CPLANE1: variants seen among roughly 807,000 people sequenced by gnomAD.
CPLANE1 encodes ciliogenesis and planar polarity effector complex subunit 1.
Under a neutral mutation model 362.5 loss-of-function variants are expected in CPLANE1, and 263 were observed. The ratio of observed to expected loss-of-function variants is 0.73; its 90% CI spans 0.66 to 0.80. The LOEUF (loss-of-function observed/expected upper bound fraction) is 0.80. Among genes scored for constraint, CPLANE1 ranks in the 30% least tolerant of loss-of-function variants. The probability of loss-of-function intolerance (pLI) is 0.00; values close to 1 mark genes in which losing one functional copy is unlikely to be tolerated. For synonymous variants in CPLANE1, 1,212 were observed against 1,302.6 expected (o/e 0.93, Z 1.50); for missense variants, 3,461 against 3,793.4 (o/e 0.91, Z 2.30).
intron 47 of CPLANE1, among the ~76,000 whole-genome samples, chr5:37,122,732 G>T (rs2150103659): frequency 6.6e-6 from 1 of 152,166 alleles, no homozygotes; most frequent in South Asian, 2.1e-4. Context: ...TGGCCAACAT[G>T]GTGAAACCTC....
intron 6 of CPLANE1, among the ~76,000 whole-genome samples, chr5:37,242,692 A>G (rs1800814299): frequency 6.6e-6 from 1 of 152,334 alleles, no homozygotes; most frequent in Non-Finnish European, 1.5e-5. Context: ...AAATTTTATT[A>G]CATGTATATG....
chr5:37,117,376 C>T (rs1038518025), intron 50 of CPLANE1, among the ~76,000 whole-genome samples: 1 of 151,148 alleles, frequency 6.6e-6, no homozygotes, highest in East Asian at 1.9e-4. Flanking sequence ...GGGACATAAA[C>T]ATGTGGTTAA....
At chr5:37,160,741 G>A (rs1233063562) in intron 38 of CPLANE1, among the ~76,000 whole-genome samples, 1 of 145,884 alleles carries the variant, frequency 6.9e-6, no homozygotes, top group Non-Finnish European at 1.5e-5. Flanking sequence ...GCACAATCTC[G>A]GCTCACTGCA....
chr5:37,152,941 C>T (rs1473240342), intron 42 of CPLANE1, among the ~76,000 whole-genome samples: 1 of 151,902 alleles, frequency 6.6e-6, no homozygotes, highest in African/African-American at 2.4e-5. Context: ...TGATTACTAA[C>T]TCTCTTATAT....
rs1784383339 is a variant in CPLANE1 at position 37,187,425 on chromosome 5, G to A, written c.4069C>T (p.Pro1357Ser). ...TACAAGCACATTACCTTTCTGATTGGTGGCAGTTCTCCAATAAGGCTCAAA... is the reference window on the plus strand; with the variant it reads ...TACAAGCACATTACCTTTCTGATTGATGGCAGTTCTCCAATAAGGCTCAAA... ...IILSLIGELP[P>S]IRKVAEIFVK... The change falls in exon 23 of 53, where the codon CCA (proline) becomes TCA (serine). Residue 1357 changes from proline to serine, a missense_variant. Pro to Ser is a moderately conservative substitution (Grantham distance 74). Transcript: ENST00000651892. 6.2e-7 allele frequency: 1 copy of A among 1,610,604 alleles called. No individual in the cohort carries two copies. The highest frequency in any genetic ancestry group is 1.3e-5 in the African/African-American group (1 of 74,822).
intron 40 of CPLANE1, 53 bp downstream of exon 40, chr5:37,157,617 T>C: frequency 6.8e-7 from 1 of 1,470,004 alleles, no homozygotes; most frequent in Non-Finnish European, 9.5e-7. Context: ...ATAACAATGC[T>C]ATATTAAAGA....
intron 16 of CPLANE1, among the ~76,000 whole-genome samples, chr5:37,212,888 T>C (rs1793011201): frequency 6.6e-6 from 1 of 152,220 alleles, no homozygotes; most frequent in South Asian, 2.1e-4. Flanking sequence ...TGGGCACACC[T>C]ATAGTCCCTG....
intron 21 of CPLANE1, 46 bp from the exon 22 acceptor site, chr5:37,187,888 C>T (rs746885306): frequency 1.7e-5 from 23 of 1,335,146 alleles, no homozygotes; most frequent in Admixed American, 4.0e-5. Context: ...TGAGTATGTA[C>T]ATTAATATTA....
At chr5:37,195,744 A>C in intron 21 of CPLANE1, 114 bp downstream of exon 21, 1 of 997,776 alleles carries the variant, frequency 1.0e-6, no homozygotes, top group Non-Finnish European at 1.4e-6. Context: ...TTACTTGTAA[A>C]CACAAAGTAA....
chr5:37,189,926 G>A (rs1580571247), intron 21 of CPLANE1, among the ~76,000 whole-genome samples: 1 of 152,108 alleles, frequency 6.6e-6, no homozygotes, highest in East Asian at 1.9e-4. Context: ...TTGAACCGGG[G>A]AGGTGGAGAT....
intron 30 of CPLANE1, among the ~76,000 whole-genome samples, chr5:37,176,515 G>C (rs894452769): frequency 6.6e-6 from 1 of 151,522 alleles, no homozygotes; most frequent in African/African-American, 2.4e-5. Flanking sequence ...TGCACACCTG[G>C]GCAACACAGC....
chr5:37,148,661 C>T (rs951929837), intron 42 of CPLANE1, among the ~76,000 whole-genome samples: 1 of 152,168 alleles, frequency 6.6e-6, no homozygotes, highest in African/African-American at 2.4e-5. Context: ...TATCCCTGGG[C>T]CTCTTCCAGG....
At chr5:37,162,155 C>T (rs999051451) in intron 38 of CPLANE1, among the ~76,000 whole-genome samples, 7 of 152,196 alleles carry the variant, frequency 4.6e-5, no homozygotes, top group Non-Finnish European at 8.8e-5. Context: ...AATCCCAGGC[C>T]TCCCAACCTT....
intron 15 of CPLANE1, among the ~76,000 whole-genome samples, chr5:37,217,564 G>A (rs190516997): frequency 0.011 from 1,689 of 151,926 alleles, 16 homozygotes; most frequent in Non-Finnish European, 0.018. Context: ...CCGAGACTGC[G>A]CCATTGCACT....
intron 21 of CPLANE1, among the ~76,000 whole-genome samples, 200 bp downstream of exon 21, chr5:37,195,658 A>C (rs1427283233): frequency 6.7e-6 from 1 of 150,118 alleles, no homozygotes; most frequent in Admixed American, 6.7e-5. Context: ...AGGTATCACA[A>C]TTTGTTTATA....
chr5:37,172,447 C>T (rs1369053110), intron 32 of CPLANE1, among the ~76,000 whole-genome samples: 1 of 152,132 alleles, frequency 6.6e-6, no homozygotes, highest in African/African-American at 2.4e-5. Flanking sequence ...CTTTTGTGTG[C>T]ATCAGAATTA....
intron 21 of CPLANE1, among the ~76,000 whole-genome samples, chr5:37,195,154 CAAAA>C (rs749441277): frequency 2.8e-5 from 2 of 72,676 alleles, no homozygotes; most frequent in African/African-American, 1.1e-4. Flanking sequence ...GACTCCATCT[CAAAA>C]AAAAAAAAAA....
At chr5:37,110,899 C>T (rs1168655745) in intron 51 of CPLANE1, among the ~76,000 whole-genome samples, 2 of 150,904 alleles carry the variant, frequency 1.3e-5, no homozygotes, top group East Asian at 3.9e-4. Flanking sequence ...CCTCTGCCTC[C>T]CGGGTTCACG....
intron 46 of CPLANE1, 63 bp downstream of exon 46, chr5:37,138,657 T>C: frequency 6.6e-7 from 1 of 1,525,394 alleles, no homozygotes; most frequent in African/African-American, 1.4e-5. Flanking sequence ...ATATGACAAA[T>C]TTTGAACATT....
Sources: gnomAD v4.1 joint callset for allele counts (sites outside exome capture counted in the v4.1 genomes callset) on GRCh38, gnomAD v4.1.1 for gene constraint, MANE v1.5 for transcripts, NCBI Gene and HGNC (gene_info 2026-07-23, HGNC 2026-07-21) for gene names.